The following PAQR5 variants were observed in gnomAD, a reference collection of about 807,000 sequenced individuals.
PAQR5 encodes progestin and adipoQ receptor family member 5.
A neutral mutation model predicts 34.5 loss-of-function variants in PAQR5; 20 were observed. The ratio of observed to expected loss-of-function variants is 0.58; its 90% CI spans 0.41 to 0.84. The LOEUF (loss-of-function observed/expected upper bound fraction) is 0.84. Ranked by LOEUF, PAQR5 falls within the 40% of genes least tolerant of loss-of-function variation. The pLI is 0.00. For missense variants in PAQR5, 378 were observed against 412.7 expected (o/e 0.92, Z 0.73); for synonymous variants, 131 against 155.6 (o/e 0.84, Z 1.18).
rs187600794 is a variant in PAQR5 at position 69,341,476 on chromosome 15, C to T, written c.-116+3975C>T. On this transcript the variant is annotated intron_variant, in intron 2 of 8. Transcript: ENST00000395407. The stretch of plus-strand genomic sequence containing the variant: ...AGCTCAAGTAGTCCCCCCACCTCAG[C>T]CTCCAGAGTAGCTGAGATTACAGGC... Among the ~76,000 whole-genome samples, 31 of 151,550 alleles carry T rather than the reference C, an allele frequency of 2.0e-4. No individual in the cohort carries two copies. The East Asian group carries it at 5.8e-3, about 28-fold the overall frequency.
At chr15:69,306,283 G>T (rs1227961062) in intron 1 of PAQR5, among the ~76,000 whole-genome samples, 1 of 151,350 alleles carries the variant, frequency 6.6e-6, no homozygotes, top group Non-Finnish European at 1.5e-5. Context: ...TGGAATTTTT[G>T]TTGTGTTATT....
intron 1 of PAQR5, among the ~76,000 whole-genome samples, chr15:69,307,615 A>G (rs972944393): frequency 6.6e-6 from 1 of 152,236 alleles, no homozygotes; most frequent in South Asian, 2.1e-4. Context: ...CACAAGGCTG[A>G]GGAACTTGGG....
intron 1 of PAQR5, among the ~76,000 whole-genome samples, chr15:69,316,530 G>A (rs543536306): frequency 1.4e-4 from 22 of 152,110 alleles, no homozygotes; most frequent in African/African-American, 5.1e-4. Context: ...TGTTACTTAC[G>A]ATATTGGGTT....
At chr15:69,343,969 G>A (rs2054702816) in intron 2 of PAQR5, among the ~76,000 whole-genome samples, 1 of 152,136 alleles carries the variant, frequency 6.6e-6, no homozygotes, top group South Asian at 2.1e-4. Context: ...GAGTGGCTGG[G>A]ACCACAGGCA....
At chr15:69,371,982 T>G (rs1266566323) in intron 3 of PAQR5, among the ~76,000 whole-genome samples, 1 of 152,232 alleles carries the variant, frequency 6.6e-6, no homozygotes, top group African/African-American at 2.4e-5. Flanking sequence ...ATGGATTTGT[T>G]ATTCTCATTG....
In PAQR5 at chr15:69,388,942, C is replaced by T. The variant is rs932429993; in HGVS notation, c.386-712C>T. Among the ~76,000 whole-genome samples, 27 of 152,310 alleles carry T rather than the reference C, an allele frequency of 1.8e-4. No homozygotes were observed. In the South Asian group the frequency reaches 2.9e-3, roughly 16 times the overall value. On this transcript the variant is annotated intron_variant, in intron 5 of 8. Transcript: ENST00000395407. Reference sequence around the variant, plus strand: ...CTCCCCAGCTGAAGCACACCTGGCCCCTTTGAAAAGGACAGTGATCTCCCC... The same window carrying T: ...CTCCCCAGCTGAAGCACACCTGGCCTCTTTGAAAAGGACAGTGATCTCCCC...
chr15:69,379,344 G>C, intron 3 of PAQR5: 1 of 821,984 alleles, frequency 1.2e-6, no homozygotes. Flanking sequence ...CGTGCTGTGG[G>C]CAGCCACCTC....
intron 3 of PAQR5, among the ~76,000 whole-genome samples, chr15:69,379,052 C>T (rs2055804076): frequency 6.6e-6 from 1 of 152,218 alleles, no homozygotes. Context: ...CTATGTTCCT[C>T]CCAGCCTCTG....
intron 1 of PAQR5, among the ~76,000 whole-genome samples, chr15:69,306,910 A>G (rs1447545770): frequency 3.3e-5 from 5 of 152,020 alleles, no homozygotes. Flanking sequence ...TGAGTACTCT[A>G]GATACCTCCT....
intron 3 of PAQR5, among the ~76,000 whole-genome samples, chr15:69,368,250 A>C (rs565213526): frequency 6.6e-6 from 1 of 152,280 alleles, no homozygotes; most frequent in South Asian, 2.1e-4. Context: ...ATGTGGTTTC[A>C]CCATGTTGGC....
At chr15:69,373,350 C>G (rs1021629991) in intron 3 of PAQR5, among the ~76,000 whole-genome samples, 3 of 152,064 alleles carry the variant, frequency 2.0e-5, no homozygotes, top group African/African-American at 4.8e-5. Context: ...ATTATTCTGT[C>G]TACTGTAGAG....
intron 2 of PAQR5, among the ~76,000 whole-genome samples, chr15:69,345,363 G>A (rs1238336785): frequency 1.3e-5 from 2 of 152,128 alleles, no homozygotes; most frequent in Non-Finnish European, 2.9e-5. Flanking sequence ...TTATAATTTG[G>A]CCACCTTTTA....
At chr15:69,317,299 G>T (rs576834820) in intron 1 of PAQR5, among the ~76,000 whole-genome samples, 6 of 152,180 alleles carry the variant, frequency 3.9e-5, no homozygotes, top group Non-Finnish European at 8.8e-5. Context: ...CATTATGCAG[G>T]CGGGGGCATC....
At chr15:69,333,327 C>A (rs1338586617) in intron 1 of PAQR5, among the ~76,000 whole-genome samples, 2 of 152,154 alleles carry the variant, frequency 1.3e-5, no homozygotes, top group East Asian at 3.8e-4. Context: ...TTCTGTTTTT[C>A]ACTGTGTTAT....
At chr15:69,360,563 G>A (rs1252244499) in intron 3 of PAQR5, among the ~76,000 whole-genome samples, 4 of 152,198 alleles carry the variant, frequency 2.6e-5, no homozygotes, top group Non-Finnish European at 4.4e-5. Context: ...TCACTGGGGC[G>A]ATGGGGAGGG....
intron 1 of PAQR5, among the ~76,000 whole-genome samples, chr15:69,332,779 T>TA (rs56280711): frequency 0.058 from 3,475 of 59,788 alleles, 302 homozygotes; most frequent in East Asian, 0.13. Context: ...CTAAATCTTG[T>TA]AAAAAAAAAA....
At chr15:69,302,477 G>A (rs1193381341) in intron 1 of PAQR5, among the ~76,000 whole-genome samples, 1 of 152,192 alleles carries the variant, frequency 6.6e-6, no homozygotes, top group Non-Finnish European at 1.5e-5. Flanking sequence ...GGGTCTGAGA[G>A]CCCCTGTAGT....
At position 69,300,937 on chromosome 15, in the gene PAQR5, C is replaced by CTCTCTTTCCTTCTTTCTT. The variant is rs2053578922; in HGVS notation, c.-277+1884_-277+1885insCTTTCCTTCTTTCTTTCT. Among the ~76,000 whole-genome samples, 6 of 5,156 alleles carry CTCTCTTTCCTTCTTTCTT rather than the reference C, an allele frequency of 1.2e-3. 2 individuals are homozygous for CTCTCTTTCCTTCTTTCTT. The highest frequency in any genetic ancestry group is 4.5e-3 in the Non-Finnish European group (5 of 1,110). 3.4% of individuals were successfully genotyped at this position (5,156 alleles called of 152,430 possible). On this transcript the variant is annotated intron_variant, in intron 1 of 8. Coordinates refer to ENST00000395407, the MANE Select transcript of PAQR5 (RefSeq NM_017705.4). ...CCTTTCTCTCTCTCTCTCTCTCTCT[C>CTCTCTTTCCTTCTTTCTT]TCTTTCTTTCCTTCTTTCTTTCTTT...
In PAQR5 at chr15:69,380,028, C is replaced by T. The variant is rs369667841; in HGVS notation, c.179+18C>T. The T allele has an allele frequency of 2.7e-5, 43 of 1,613,280 alleles. No homozygotes were observed. The African/African-American group carries it at 2.7e-4, about 10-fold the overall frequency. ...CCCTTCTGGTACCTTCTGGCCCCCT[C>T]GACCGGCCTGTCTCCTTCAGGAGCC... On this transcript the variant is annotated intron_variant, in intron 4 of 8. Coordinates refer to ENST00000395407, the MANE Select transcript of PAQR5 (RefSeq NM_017705.4).
Sources: gnomAD v4.1 joint callset for allele counts (sites outside exome capture counted in the v4.1 genomes callset) on GRCh38, gnomAD v4.1.1 for gene constraint, MANE v1.5 for transcripts, NCBI Gene and HGNC (gene_info 2026-07-23, HGNC 2026-07-21) for gene names.